ZFP2: variants seen among roughly 807,000 people sequenced by gnomAD.
The protein encoded by ZFP2 is ZFP2 zinc finger protein.
ZFP2 carries 33 observed loss-of-function variants against 36.1 expected under a neutral mutation model. That is an observed-to-expected ratio of 0.92 (90% confidence interval 0.69 to 1.22). ZFP2 has a LOEUF of 1.22. Ranked by LOEUF, ZFP2 falls within the 50% of genes most tolerant of loss-of-function variation. The probability of loss-of-function intolerance (pLI) is 0.00; values close to 1 mark genes in which losing one functional copy is unlikely to be tolerated. For missense variants in ZFP2, 522 were observed against 551.4 expected, an observed-to-expected ratio of 0.95 and a Z score of 0.53; for synonymous variants, 170 against 178.0, an observed-to-expected ratio of 0.96 and a Z score of 0.36.
intron 3 of ZFP2, chr5:178,913,914 T>C (rs1319256603): frequency 2.0e-5 from 3 of 150,488 alleles, no homozygotes; most frequent in Non-Finnish European, 4.4e-5. Flanking sequence ...TGGAGTGCAG[T>C]GGCACAATCT....
chr5:178,922,439 C>A, intron 4 of ZFP2: 1 of 1,373,130 alleles, frequency 7.3e-7, no homozygotes, highest in Non-Finnish European at 1.0e-6. Context: ...TACTATTGTG[C>A]CTTACTTATG....
At chr5:178,902,867 T>G (rs1296676223) in intron 1 of ZFP2, among the ~76,000 whole-genome samples, 1 of 152,216 alleles carries the variant, frequency 6.6e-6, no homozygotes, top group Non-Finnish European at 1.5e-5. Flanking sequence ...ACCTGTTCTA[T>G]TTTTAGCTAT....
At chr5:178,907,093 T>C (rs1053116263) in intron 1 of ZFP2, among the ~76,000 whole-genome samples, 1 of 152,036 alleles carries the variant, frequency 6.6e-6, no homozygotes, top group Non-Finnish European at 1.5e-5. Context: ...AAGCTGGCCT[T>C]ATGGAGCGAG....
Position 178,923,352 on chromosome 5 carries a change from A to G in ZFP2, c.-78+6642A>G, listed in dbSNP as rs575414406. On this transcript the variant is annotated intron_variant, in intron 4 of 4. Coordinates refer to ENST00000361362, the MANE Select transcript of ZFP2 (RefSeq NM_030613.4). Reference sequence around the variant, plus strand: ...TCCGCTTTCTGCCTCTATGAATTTGACTACTCTAGATACCTCATATGAGTT... The same window carrying G: ...TCCGCTTTCTGCCTCTATGAATTTGGCTACTCTAGATACCTCATATGAGTT... Among the ~76,000 whole-genome samples the G allele has an allele frequency of 4.1e-4, 61 of 149,464 alleles. 8 individuals are homozygous for G. Among genetic ancestry groups the G allele is most frequent in the Non-Finnish European group, 6.9e-4 (46 of 66,534 alleles).
rs975926523 is a variant in ZFP2, at chr5:178,924,097, G to A, written c.-77-7140G>A. Among the ~76,000 whole-genome samples the A allele has an allele frequency of 2.0e-5, 3 of 149,136 alleles. 1 individual carries two copies. Among genetic ancestry groups the A allele is most frequent in the Admixed American group, 6.7e-5 (1 of 14,866 alleles). On this transcript the variant is annotated intron_variant, in intron 4 of 4. Transcript: ENST00000361362. ...CAGAGAGGTTAAGAAACCTACGCAAGGTGTGGTGGCTCATGCCTGTAATCC... is the reference window on the plus strand; with the variant it reads ...CAGAGAGGTTAAGAAACCTACGCAAAGTGTGGTGGCTCATGCCTGTAATCC...
At chr5:178,923,259 C>T (rs1758598296) in intron 4 of ZFP2, among the ~76,000 whole-genome samples, 1 of 149,512 alleles carries the variant, frequency 6.7e-6, no homozygotes, top group South Asian at 2.1e-4. Flanking sequence ...TTCATCTTTC[C>T]TAATGAAAAC....
At chr5:178,927,501 G>GT (rs11388061) in intron 4 of ZFP2, among the ~76,000 whole-genome samples, 35,469 of 145,162 alleles carry the variant, frequency 0.24, 4,385 homozygotes, top group Admixed American at 0.25. Context: ...TATTTTTGGG[G>GT]TTTTTTTTTT....
At chr5:178,921,087 G>C (rs1345598118) in intron 4 of ZFP2, among the ~76,000 whole-genome samples, 2 of 152,144 alleles carry the variant, frequency 1.3e-5, no homozygotes, top group Admixed American at 6.5e-5. Flanking sequence ...CTTGAATCTT[G>C]CTCACATGTG....
intron 4 of ZFP2, chr5:178,922,321 C>T: frequency 2.1e-6 from 2 of 953,496 alleles, no homozygotes; most frequent in Non-Finnish European, 3.5e-6. Context: ...GCTGTATCTA[C>T]TTTCTTATGT....
chr5:178,909,020 G>A lies in ZFP2; in HGVS notation c.-449-3564G>A, dbSNP rs567568254. On this transcript the variant is annotated intron_variant, in intron 1 of 4. Coordinates refer to ENST00000361362, the MANE Select transcript of ZFP2 (RefSeq NM_030613.4). Reference sequence around the variant, plus strand: ...CCGCACCGTTATCTAAGCCCAGGGCGTAAAACCCCTCGTGGCCTGGATGGA... The same window carrying A: ...CCGCACCGTTATCTAAGCCCAGGGCATAAAACCCCTCGTGGCCTGGATGGA... 7.9e-4 allele frequency among the ~76,000 whole-genome samples: 119 copies of A among 149,820 alleles called. 3 individuals carry two copies. Among genetic ancestry groups the A allele is most frequent in the African/African-American group, 2.6e-3 (106 of 40,678 alleles).
chr5:178,922,602 T>C, intron 4 of ZFP2: 1 of 1,570,152 alleles, frequency 6.4e-7, no homozygotes, highest in Middle Eastern at 2.3e-4. Context: ...GGCAAGAGCA[T>C]GGCAGGTATG....
intron 4 of ZFP2, chr5:178,922,495 A>G (rs1758577210): frequency 7.3e-7 from 1 of 1,376,276 alleles, no homozygotes. Flanking sequence ...TTTTCAGTAG[A>G]AATGGAGTTA....
At chr5:178,907,371 T>C (rs1758188216) in intron 1 of ZFP2, among the ~76,000 whole-genome samples, 2 of 151,492 alleles carry the variant, frequency 1.3e-5, no homozygotes, top group South Asian at 4.2e-4. Context: ...TATATATGTA[T>C]ATATACATAT....
At position 178,921,580 on chromosome 5, in the gene ZFP2, A is replaced by T. The variant is rs945662245; in HGVS notation, c.-78+4870A>T. ...GCAATAGAACAGAGAAAGGGGAAAA[A>T]ATAGGCAATTCCCCCTGCTCTCTCT... is the stretch of plus-strand genomic sequence containing the variant. On this transcript the variant is annotated intron_variant, in intron 4 of 4. Transcript: ENST00000361362. Among the ~76,000 whole-genome samples, 8 of 149,382 alleles carry T rather than the reference A, an allele frequency of 5.4e-5. 2 individuals carry two copies. Among genetic ancestry groups the T allele is most frequent in the Admixed American group, 2.0e-4 (3 of 14,910 alleles).
In ZFP2 at chr5:178,932,059, A is replaced by T; in HGVS notation, c.746A>T (p.Lys249Ile). 1 of 1,614,176 alleles carries T rather than the reference A, an allele frequency of 6.2e-7. No homozygotes were observed. Among genetic ancestry groups the T allele is most frequent in the African/African-American group, 1.3e-5 (1 of 75,066 alleles). Reference protein sequence around the residue: ...EKPYECNECGKAFSQSMHLIV... With the variant: ...EKPYECNECGIAFSQSMHLIV... ...CCCTATGAATGTAATGAATGTGGAA[A>T]AGCCTTCAGTCAAAGCATGCATCTT... Residue 249 changes from lysine to isoleucine, a missense_variant, in exon 5 of 5, where the codon AAA becomes ATA. Physicochemically the swap from Lys to Ile is moderately radical, Grantham distance 102. Coordinates refer to ENST00000361362, the MANE Select transcript of ZFP2 (RefSeq NM_030613.4).
intron 1 of ZFP2, among the ~76,000 whole-genome samples, chr5:178,906,564 A>AT (rs869289531): frequency 2.2e-4 from 32 of 143,088 alleles, no homozygotes; most frequent in Admixed American, 4.1e-4. Context: ...TTATTTATTT[A>AT]TTTTTTTTTG....
intron 4 of ZFP2, among the ~76,000 whole-genome samples, chr5:178,918,632 G>A (rs1758487056): frequency 1.3e-5 from 2 of 152,092 alleles, no homozygotes; most frequent in Admixed American, 1.3e-4. Context: ...ACGAGTGAAG[G>A]CAGAAAAAGC....
intron 1 of ZFP2, among the ~76,000 whole-genome samples, chr5:178,903,577 T>A (rs1758102419): frequency 6.6e-6 from 1 of 152,234 alleles, no homozygotes. Context: ...TATTCTGTCA[T>A]GTTTCTTTTA....
At chr5:178,898,380 C>T (rs892672601) in intron 1 of ZFP2, among the ~76,000 whole-genome samples, 3 of 152,218 alleles carry the variant, frequency 2.0e-5, no homozygotes, top group Non-Finnish European at 2.9e-5. Context: ...TATATTGAGA[C>T]ATATTGTGCA....
Sources: allele counts gnomAD v4.1 joint callset (sites outside exome capture counted in the v4.1 genomes callset), GRCh38; gene constraint gnomAD v4.1.1; transcripts MANE v1.5; gene names NCBI Gene and HGNC (gene_info 2026-07-23, HGNC 2026-07-21).